CACNG4: variants seen among roughly 807,000 people sequenced by gnomAD.
The protein encoded by CACNG4 is calcium voltage-gated channel auxiliary subunit gamma 4, also known as voltage-dependent calcium channel gamma-4 subunit.
Under a neutral mutation model 22.9 loss-of-function variants are expected in CACNG4, and 8 were observed. That is an observed-to-expected ratio of 0.35 (90% CI 0.21 to 0.63). The LOEUF is 0.63. Ranked by LOEUF, CACNG4 falls within the 30% of genes least tolerant of loss-of-function variation. CACNG4 has a pLI of 0.72. For synonymous variants in CACNG4, 188 were observed against 191.9 expected (o/e 0.98, Z 0.17); for missense variants, 357 against 455.4 (o/e 0.78, Z 1.97).
At chr17:66,991,158 G>A (rs1388626322) in intron 1 of CACNG4, among the ~76,000 whole-genome samples, 6 of 152,016 alleles carry the variant, frequency 3.9e-5, no homozygotes, top group Non-Finnish European at 7.4e-5. Flanking sequence ...GGGTGGTGCA[G>A]GTGGAAGGCA....
chr17:66,972,471 A>T (rs2035210522), intron 1 of CACNG4, among the ~76,000 whole-genome samples: 1 of 152,214 alleles, frequency 6.6e-6, no homozygotes, highest in African/African-American at 2.4e-5. Context: ...ACAACCAAAA[A>T]TGGGCTCAGA....
chr17:67,008,003 T>C (rs2035447291), intron 1 of CACNG4, among the ~76,000 whole-genome samples: 1 of 152,070 alleles, frequency 6.6e-6, no homozygotes, highest in South Asian at 2.1e-4. Context: ...ACAGGCCACC[T>C]CAAACTGCAA....
intron 1 of CACNG4, among the ~76,000 whole-genome samples, chr17:66,996,116 G>A (rs1318215720): frequency 6.6e-6 from 1 of 152,186 alleles, no homozygotes; most frequent in Non-Finnish European, 1.5e-5. Flanking sequence ...TTGATGACAA[G>A]CAGCTCATTC....
intron 1 of CACNG4, among the ~76,000 whole-genome samples, chr17:67,015,501 A>G (rs1275682357): frequency 6.6e-6 from 1 of 152,178 alleles, no homozygotes; most frequent in African/African-American, 2.4e-5. Flanking sequence ...ACAGTTTTGC[A>G]CGATGTTGTC....
intron 2 of CACNG4, among the ~76,000 whole-genome samples, chr17:67,021,224 G>A (rs2035529941): frequency 6.6e-6 from 1 of 152,096 alleles, no homozygotes; most frequent in African/African-American, 2.4e-5. Flanking sequence ...AAGTTATTGT[G>A]GGCCTGCTAT....
chr17:66,980,184 A>C (rs1030176903), intron 1 of CACNG4, among the ~76,000 whole-genome samples: 4 of 152,216 alleles, frequency 2.6e-5, no homozygotes, highest in African/African-American at 4.8e-5. Flanking sequence ...AAGCCTTTGC[A>C]AGCCAACCAC....
At chr17:66,975,234 C>T (rs191766684) in intron 1 of CACNG4, among the ~76,000 whole-genome samples, 28 of 152,314 alleles carry the variant, frequency 1.8e-4, no homozygotes, top group African/African-American at 6.5e-4. Context: ...CTCCCTGGCT[C>T]ACCTGCCACT....
At chr17:66,991,879 A>C (rs1441786747) in intron 1 of CACNG4, among the ~76,000 whole-genome samples, 1 of 152,140 alleles carries the variant, frequency 6.6e-6, no homozygotes, top group Non-Finnish European at 1.5e-5. Context: ...TCTCTTCACC[A>C]CTTCAAAGGA....
At chr17:67,028,066 C>A (rs968773351) in intron 3 of CACNG4, among the ~76,000 whole-genome samples, 2 of 151,814 alleles carry the variant, frequency 1.3e-5, no homozygotes, top group African/African-American at 4.8e-5. Context: ...TAAAAAAAAA[C>A]CATGTTGGAA....
Position 67,030,650 on chromosome 17 carries a change from TAA to T in CACNG4, c.632_633del (p.Lys211ArgfsTer5). On this transcript the variant is annotated frameshift_variant, in exon 4 of 4. Coordinates refer to ENST00000262138, the MANE Select transcript of CACNG4 (RefSeq NM_014405.4). LOFTEE classifies it high-confidence loss of function. The surrounding 1 kb of genome is among the most constrained non-coding windows in gnomAD (Gnocchi z 6.4). Reference sequence around the variant, plus strand: ...CTGTAAACATTTACATTGAGAAAAATAAAGAGTTGAGGTTTAAGACCAAACGG... The same window carrying T: ...CTGTAAACATTTACATTGAGAAAAATAGAGTTGAGGTTTAAGACCAAACGG... Reference protein sequence around the residue: ...LAVNIYIEKNKELRFKTKREF... With the variant: ...LAVNIYIEKNXELRFKTKREF... 1 of 1,614,048 alleles carries T rather than the reference TAA, an allele frequency of 6.2e-7. No homozygotes were observed. The highest frequency in any genetic ancestry group is 8.5e-7 in the Non-Finnish European group (1 of 1,180,032).
chr17:66,996,232 A>G (rs964146769), intron 1 of CACNG4, among the ~76,000 whole-genome samples: 12 of 148,094 alleles, frequency 8.1e-5, no homozygotes, highest in African/African-American at 3.2e-4. Flanking sequence ...CTAGTGGTAA[A>G]GAGGGCAGAA....
At chr17:67,004,375 G>A (rs1002065117) in intron 1 of CACNG4, among the ~76,000 whole-genome samples, 4 of 152,174 alleles carry the variant, frequency 2.6e-5, no homozygotes, top group East Asian at 1.9e-4. Flanking sequence ...TGGAGGAGGC[G>A]TGAGGCTGGT....
At position 67,018,091 on chromosome 17, in the gene CACNG4, T is replaced by G. The variant is rs924559968; in HGVS notation, c.221-98T>G. ...TTCTTCTCTGTCTGTCCCCAGGACC[T>G]GCACAGAGGCTCACACACATGGCAA... is the stretch of plus-strand genomic sequence containing the variant. On this transcript the variant is annotated intron_variant, in intron 1 of 3. Transcript: ENST00000262138. 5.0e-5 allele frequency: 45 copies of G among 898,692 alleles called. No individual in the cohort carries two copies. In the South Asian group the frequency reaches 6.4e-4, roughly 13 times the overall value. The allele number at this position is 898,692 out of a possible 1,614,324, so 55.7% of individuals were successfully genotyped here. A position where few individuals can be genotyped will look rare whatever the true frequency, so the allele number is the denominator to read the frequency against.
At chr17:67,013,570 C>T (rs375150893) in intron 1 of CACNG4, among the ~76,000 whole-genome samples, 111 of 152,090 alleles carry the variant, frequency 7.3e-4, no homozygotes, top group Middle Eastern at 3.4e-3. Flanking sequence ...TTTGGGAGGC[C>T]GAGGCGGGTG....
At chr17:66,981,377 A>C (rs2035271664) in intron 1 of CACNG4, among the ~76,000 whole-genome samples, 1 of 152,138 alleles carries the variant, frequency 6.6e-6, no homozygotes, top group Non-Finnish European at 1.5e-5. Context: ...AAACAAAGCA[A>C]TCATCTTCGA....
At chr17:66,986,066 C>G (rs2035304193) in intron 1 of CACNG4, among the ~76,000 whole-genome samples, 1 of 152,222 alleles carries the variant, frequency 6.6e-6, no homozygotes, top group Non-Finnish European at 1.5e-5. Flanking sequence ...GGGCCCCCGG[C>G]CCTGAGCCAG....
At chr17:67,018,658 G>C (rs746478930) in intron 2 of CACNG4, among the ~76,000 whole-genome samples, 2 of 152,066 alleles carry the variant, frequency 1.3e-5, no homozygotes, top group Non-Finnish European at 2.9e-5. Flanking sequence ...GAGGGGTGTG[G>C]CTCTCTAAGC....
At chr17:66,982,039 G>A (rs2035278060) in intron 1 of CACNG4, among the ~76,000 whole-genome samples, 1 of 152,122 alleles carries the variant, frequency 6.6e-6, no homozygotes, top group Non-Finnish European at 1.5e-5. Context: ...ATAGGTTTAT[G>A]GGCTCGCTGA....
At chr17:66,972,663 C>T (rs945009099) in intron 1 of CACNG4, among the ~76,000 whole-genome samples, 2 of 142,876 alleles carry the variant, frequency 1.4e-5, no homozygotes, top group Admixed American at 7.0e-5. Context: ...CGGTGACTCA[C>T]GCCTGTAATC....
Sources: gnomAD v4.1 joint callset for allele counts (sites outside exome capture counted in the v4.1 genomes callset) on GRCh38, gnomAD v4.1.1 for gene constraint, Gnocchi (gnomAD v3.1) non-coding constraint, MANE v1.5 for transcripts, NCBI Gene and HGNC (gene_info 2026-07-23, HGNC 2026-07-21) for gene names.